Variants in APOBR observed in about 807,000 individuals in gnomAD.
APOBR encodes apoB-48R.
APOBR carries 57 observed loss-of-function variants against 88.5 expected under a neutral mutation model. The observed-to-expected ratio is 0.64, with a 90% CI of 0.52 to 0.80. APOBR has a LOEUF of 0.80. APOBR is among the 30% of genes least tolerant of loss of function. The pLI, the probability that APOBR is intolerant of heterozygous loss-of-function variation, is 0.00. For synonymous variants in APOBR, 588 were observed against 572.7 expected (o/e 1.03, Z -0.38); for missense variants, 1,443 against 1,401.6 (o/e 1.03, Z -0.47).
At chr16:28,498,396 C>T (rs765594275) in intron 3 of APOBR, 40 bp from the exon 4 acceptor site, 40 of 1,598,682 alleles carry the variant, frequency 2.5e-5, no homozygotes, top group Middle Eastern at 1.6e-4. Flanking sequence ...ACCGCGGGCA[C>T]CTGGGAACCT....
chr16:28,498,025 G>C (rs750579294), intron 2 of APOBR, 29 bp downstream of exon 2: 3 of 1,555,100 alleles, frequency 1.9e-6, no homozygotes, highest in African/African-American at 2.7e-5. Context: ...GTCTCGGGGG[G>C]AACGAGTGGA....
rs774687676 is a variant in APOBR at position 28,498,220 on chromosome 16, C to G, written c.3095C>G (p.Pro1032Arg). 1 of 1,607,762 alleles carries G rather than the reference C, an allele frequency of 6.2e-7. No homozygotes were observed. Among genetic ancestry groups the G allele is most frequent in the Non-Finnish European group, 8.5e-7 (1 of 1,178,542 alleles). Residue 1032 changes from proline (P) to arginine (R), a missense_variant, in exon 3 of 4, where the codon CCC becomes CGC. Physicochemically the swap from Pro to Arg is moderately radical, Grantham distance 103 (BLOSUM62 -2). Transcript: ENST00000564831. ...AWEQQEEPPAPNPPEEELSAP... is the reference protein window; with the variant it reads ...AWEQQEEPPARNPPEEELSAP... ...GAGCAGCAGGAGGAGCCCCCAGCCC[C>G]CAACCCTCCTGAGGAGGAGCTGTCA...
chr16:28,497,129 T>C lies in APOBR; in HGVS notation c.2088T>C (p.Ser696=). Residue 696 remains serine (S), a synonymous_variant, in exon 2 of 4, where the codon TCT becomes TCC. Transcript: ENST00000564831. ...GTGGAACTGAGGAGGGAGAGGCATC[T>C]GTCTCAGAGAACCAGGAGCTGGACG... The part of the protein sequence containing the change: ...AGCGTEEGEA[S]VSENQELDGS... 4 of 1,606,188 alleles carry C rather than the reference T, an allele frequency of 2.5e-6. No homozygotes were observed. The highest frequency in any genetic ancestry group is 1.7e-4 in the Middle Eastern group (1 of 6,054).
In APOBR at chr16:28,495,960, G is replaced by A. The variant is rs751030621; in HGVS notation, c.919G>A (p.Gly307Arg). The A allele has an allele frequency of 2.8e-5, 45 of 1,609,066 alleles. No homozygotes were observed. In the South Asian group the frequency reaches 2.9e-4, roughly 10 times the overall value. ...GGAGGAAGCCAGGACAATCTCAGGC[G>A]GGGAGGAGGCTGAGACAGCCTCAGG... ...DGEEARTISGGEEAETASGGE... is the reference protein window; with the variant it reads ...DGEEARTISGREEAETASGGE... The change falls in exon 2 of 4, where the codon GGG (glycine) becomes AGG (arginine). Residue 307 changes from glycine (G) to arginine (R), a missense_variant. Transcript: ENST00000564831.
rs1157810045 is a variant in APOBR at position 28,497,597 on chromosome 16, C to A, written c.2556C>A (p.Ser852Arg). Residue 852 changes from serine to arginine, a missense_variant, in exon 2 of 4, where the codon AGC becomes AGA. Transcript: ENST00000564831. ...EAEESAGAED[S>R]CGLDPAGSQT... Reference sequence around the variant, plus strand: ...AGGAATCTGCAGGCGCAGAGGACAGCTGTGGGCTGGATCCCGCGGGCTCCC... The same window carrying A: ...AGGAATCTGCAGGCGCAGAGGACAGATGTGGGCTGGATCCCGCGGGCTCCC... 1 of 1,606,576 alleles carries A rather than the reference C, an allele frequency of 6.2e-7. No homozygotes were observed. The highest frequency in any genetic ancestry group is 8.5e-7 in the Non-Finnish European group (1 of 1,176,542).
In APOBR at chr16:28,496,744, G is replaced by T. The variant is rs1213327693; in HGVS notation, c.1703G>T (p.Gly568Val). Residue 568 changes from glycine to valine, a missense_variant, in exon 2 of 4, where the codon GGG (glycine) becomes GTG (valine). Physicochemically the swap from Gly to Val is moderately radical, Grantham distance 109 (BLOSUM62 -3). Transcript: ENST00000564831. ...VTKGQGPELM[G>V]GAQTPTKQPE... Reference sequence around the variant, plus strand: ...AAAGGCCAAGGACCTGAGCTGATGGGGGGCGCCCAGACCCCAACTAAGCAA... The same window carrying T: ...AAAGGCCAAGGACCTGAGCTGATGGTGGGCGCCCAGACCCCAACTAAGCAA... 1 of 1,590,296 alleles carries T rather than the reference G, an allele frequency of 6.3e-7. No homozygotes were observed. The highest frequency in any genetic ancestry group is 1.1e-5 in the South Asian group (1 of 87,616).
Position 28,494,729 on chromosome 16 carries a change from G to C in APOBR, c.48G>C (p.Arg16Ser), listed in dbSNP as rs1471540182. 1 of 1,611,410 alleles carries C rather than the reference G, an allele frequency of 6.2e-7. No homozygotes were observed. Among genetic ancestry groups the C allele is most frequent in the Non-Finnish European group, 8.5e-7 (1 of 1,178,528 alleles). Residue 16 changes from arginine (R) to serine (S), a missense_variant, in exon 1 of 4, where the codon AGG (arginine) becomes AGC (serine). Coordinates refer to ENST00000564831, the MANE Select transcript of APOBR (RefSeq NM_018690.4). ...LYLPGLHQAL[R>S]GALDSLGTFV... is the part of the protein sequence containing the mutation. Reference sequence around the variant, plus strand: ...TCCCTGGGCTGCACCAGGCCTTGAGGGGGGCACTGGTGAGAAGGGCAGACA... The same window carrying C: ...TCCCTGGGCTGCACCAGGCCTTGAGCGGGGCACTGGTGAGAAGGGCAGACA...
At position 28,495,860 on chromosome 16, in the gene APOBR, G is replaced by A. The variant is rs756988115; in HGVS notation, c.819G>A (p.Glu273=). The change falls in exon 2 of 4, where the codon GAG becomes GAA. Residue 273 remains glutamate (E), a synonymous_variant. Coordinates refer to ENST00000564831, the MANE Select transcript of APOBR (RefSeq NM_018690.4). Reference sequence around the variant, plus strand: ...CGTGGGGCCCAGGGGCAGAGCCTGAGGACTGGGGAATCTTAGGCAGAGAGG... The same window carrying A: ...CGTGGGGCCCAGGGGCAGAGCCTGAAGACTGGGGAATCTTAGGCAGAGAGG... The part of the protein sequence containing the change: ...WGTWGPGAEP[E]DWGILGREEA... The A allele has an allele frequency of 6.2e-7, 1 of 1,610,520 alleles. No homozygotes were observed. The highest frequency in any genetic ancestry group is 8.5e-7 in the Non-Finnish European group (1 of 1,178,518).
In APOBR at chr16:28,495,586, A is replaced by G; in HGVS notation, c.545A>G (p.Glu182Gly). The G allele has an allele frequency of 1.3e-6, 2 of 1,562,800 alleles. No homozygotes were observed. Among genetic ancestry groups the G allele is most frequent in the Non-Finnish European group, 1.7e-6 (2 of 1,153,376 alleles). The stretch of plus-strand genomic sequence containing the variant: ...AGAAGCTGGGAACAGGAGGAGGAGG[A>G]GGAAGAGGTCAGGGCAAGAGAGCCA... ...RLRSWEQEEE[E>G]EEVRAREPGM... Residue 182 changes from glutamate to glycine, a missense_variant, in exon 2 of 4, where the codon GAG becomes GGG. Glu to Gly is a moderately conservative substitution (Grantham distance 98). Coordinates refer to ENST00000564831, the MANE Select transcript of APOBR (RefSeq NM_018690.4).
At position 28,496,433 on chromosome 16, in the gene APOBR, C is replaced by T. The variant is rs1045773542; in HGVS notation, c.1392C>T (p.Asp464=). ...EAGESFEGQV[D]LRGKEAEMRQ... The stretch of plus-strand genomic sequence containing the variant: ...GGGAGAGCTTTGAGGGCCAGGTAGA[C>T]CTGCGTGGTAAGGAGGCTGAGATGA... Residue 464 remains aspartate, a synonymous_variant, in exon 2 of 4, where the codon GAC becomes GAT. Transcript: ENST00000564831. 6.8e-6 allele frequency: 11 copies of T among 1,611,892 alleles called. No individual in the cohort carries two copies. Among genetic ancestry groups the T allele is most frequent in the Admixed American group, 5.0e-5 (3 of 59,764 alleles).
Position 28,495,092 on chromosome 16 carries a change from T to A in APOBR, c.58-7T>A, listed in dbSNP as rs1447487404. ...TGACTCTCCCCTCTCTCTCTCTTTT[T>A]TCCTAGGATTCCCTCGGCACCTTTG... On this transcript the variant is annotated splice_polypyrimidine_tract_variant and splice_region_variant and intron_variant, in intron 1 of 3. Coordinates refer to ENST00000564831, the MANE Select transcript of APOBR (RefSeq NM_018690.4). 1 of 1,493,836 alleles carries A rather than the reference T, an allele frequency of 6.7e-7. No individual in the cohort carries two copies. The highest frequency in any genetic ancestry group is 8.9e-7 in the Non-Finnish European group (1 of 1,122,452). The allele number at this position is 1,493,836 out of a possible 1,614,324, so 92.5% of individuals were successfully genotyped here. A position where few individuals can be genotyped will look rare whatever the true frequency, so the allele number is the denominator to read the frequency against.
chr16:28,496,529 G>T lies in APOBR; in HGVS notation c.1488G>T (p.Glu496Asp). The change falls in exon 2 of 4, where the codon GAG (glutamate) becomes GAT (aspartate). Residue 496 changes from glutamate (E) to aspartate (D), a missense_variant. Coordinates refer to ENST00000564831, the MANE Select transcript of APOBR (RefSeq NM_018690.4). The part of the protein sequence containing the change: ...EELVQAEEAQ[E>D]ERGSSRDPVA... ...TGGTACAGGCAGAGGAGGCCCAGGAGGAGAGAGGGAGCAGCAGGGATCCAG... is the reference window on the plus strand; with the variant it reads ...TGGTACAGGCAGAGGAGGCCCAGGATGAGAGAGGGAGCAGCAGGGATCCAG... 6.3e-7 allele frequency: 1 copy of T among 1,575,736 alleles called. No individual in the cohort carries two copies. The highest frequency in any genetic ancestry group is 1.2e-5 in the South Asian group (1 of 85,056).
chr16:28,498,908 TC>T lies in APOBR; in HGVS notation c.*407del. ...GACCAGCCTGGGCAGCATAGCAAGA[TC>T]CCCATCTTTTAAAAACAAAATAAAA... On this transcript the variant is annotated 3_prime_UTR_variant, in exon 4 of 4. Transcript: ENST00000564831. The T allele has an allele frequency of 3.8e-6, 2 of 520,950 alleles. No homozygotes were observed. Among genetic ancestry groups the T allele is most frequent in the Non-Finnish European group, 7.3e-6 (2 of 275,156 alleles). 32.3% of individuals were successfully genotyped at this position (520,950 alleles called of 1,614,324 possible).
chr16:28,498,528 C>T lies in APOBR; in HGVS notation c.*23C>T. ...TGACTGAGACCCGGTGCTCTGGGAG[C>T]CAGGCCCTGAGTGGGTGCCAGAAGG... On this transcript the variant is annotated 3_prime_UTR_variant, in exon 4 of 4. Coordinates refer to ENST00000564831, the MANE Select transcript of APOBR (RefSeq NM_018690.4). 1.3e-6 allele frequency: 2 copies of T among 1,570,746 alleles called. No homozygotes were observed. The highest frequency in any genetic ancestry group is 1.7e-6 in the Non-Finnish European group (2 of 1,159,088).
chr16:28,494,915 C>G, intron 1 of APOBR, 177 bp downstream of exon 1: 1 of 844,442 alleles, frequency 1.2e-6, no homozygotes, highest in Non-Finnish European at 1.8e-6. Flanking sequence ...TCAGTCCCCA[C>G]CTCCAACCAT....
chr16:28,497,280 G>A lies in APOBR; in HGVS notation c.2239G>A (p.Val747Met), dbSNP rs2046400846. 1.3e-6 allele frequency: 2 copies of A among 1,592,268 alleles called. No individual in the cohort carries two copies. Among genetic ancestry groups the A allele is most frequent in the African/African-American group, 1.3e-5 (1 of 74,666 alleles). ...RRGWRLQAVAVGLPDREDAQT... is the reference protein window; with the variant it reads ...RRGWRLQAVAMGLPDREDAQT... ...AGGCTGGAGGCTGCAAGCGGTGGCT[G>A]TGGGCCTCCCGGACCGTGAGGATGC... is the stretch of plus-strand genomic sequence containing the variant. Residue 747 changes from valine (V) to methionine (M), a missense_variant, in exon 2 of 4, where the codon GTG (valine) becomes ATG (methionine). Physicochemically the swap from Val to Met is conservative, Grantham distance 21. Coordinates refer to ENST00000564831, the MANE Select transcript of APOBR (RefSeq NM_018690.4).
Position 28,497,489 on chromosome 16 carries a change from G to T in APOBR, c.2448G>T (p.Glu816Asp). ...AATTTGGTCTGGAGGGCTCAGCAGAGGAAGAGGTGACTGGCAGAGGCAGCC... is the reference window on the plus strand; with the variant it reads ...AATTTGGTCTGGAGGGCTCAGCAGATGAAGAGGTGACTGGCAGAGGCAGCC... ...GQEFGLEGSA[E>D]EEVTGRGSQV... The change falls in exon 2 of 4, where the codon GAG (glutamate) becomes GAT (aspartate). Residue 816 changes from glutamate (E) to aspartate (D), a missense_variant. Physicochemically the swap from Glu to Asp is conservative, Grantham distance 45. Coordinates refer to ENST00000564831, the MANE Select transcript of APOBR (RefSeq NM_018690.4). 1 of 1,613,636 alleles carries T rather than the reference G, an allele frequency of 6.2e-7. No individual in the cohort carries two copies. The highest frequency in any genetic ancestry group is 8.5e-7 in the Non-Finnish European group (1 of 1,179,740).
In APOBR at chr16:28,495,089, T is replaced by C. The variant is rs771347497; in HGVS notation, c.58-10T>C. 2.7e-6 allele frequency: 4 copies of C among 1,491,246 alleles called. No individual in the cohort carries two copies. The Admixed American group carries it at 1.0e-4, about 37-fold the overall frequency. 92.4% of individuals were successfully genotyped at this position (1,491,246 alleles called of 1,614,324 possible). ...CAATGACTCTCCCCTCTCTCTCTCT[T>C]TTTTCCTAGGATTCCCTCGGCACCT... is the stretch of plus-strand genomic sequence containing the variant. On this transcript the variant is annotated splice_polypyrimidine_tract_variant and intron_variant, in intron 1 of 3. Coordinates refer to ENST00000564831, the MANE Select transcript of APOBR (RefSeq NM_018690.4).
Position 28,498,079 on chromosome 16 carries a change from AG to A in APOBR, c.2956del, listed in dbSNP as rs1283563960. The stretch of plus-strand genomic sequence containing the variant: ...TGGTCCTCTGTGCCCCCTTTCCTGC[AG>A]GCCCCGCTCCCCGGGTCCCTCCTAG... On this transcript the variant is annotated splice_acceptor_variant, in intron 2 of 3. Coordinates refer to ENST00000564831, the MANE Select transcript of APOBR (RefSeq NM_018690.4). LOFTEE classifies it high-confidence loss of function. 1 of 1,544,062 alleles carries A rather than the reference AG, an allele frequency of 6.5e-7. No homozygotes were observed. The highest frequency in any genetic ancestry group is 1.4e-5 in the African/African-American group (1 of 72,784).
Sources: allele counts gnomAD v4.1 joint callset, GRCh38; gene constraint gnomAD v4.1.1; transcripts MANE v1.5; gene names NCBI Gene and HGNC (gene_info 2026-07-23, HGNC 2026-07-21).